RAPGEF5: variants seen among roughly 807,000 people sequenced by gnomAD.
RAPGEF5 encodes the protein Rap guanine nucleotide exchange factor 5, also known as M-Ras-regulated GEF.
RAPGEF5 carries 65 observed loss-of-function variants against 125.2 expected under a neutral mutation model. That is an observed-to-expected ratio of 0.52 (90% CI 0.43 to 0.64). RAPGEF5 has a LOEUF of 0.64. Ranked by LOEUF, RAPGEF5 falls within the 30% of genes least tolerant of loss-of-function variation. The probability of loss-of-function intolerance (pLI) is 0.00; values close to 1 mark genes in which losing one functional copy is unlikely to be tolerated. For synonymous variants in RAPGEF5, 391 were observed against 385.9 expected, an observed-to-expected ratio of 1.01 and a Z score of -0.16; for missense variants, 958 against 1,048.1, an observed-to-expected ratio of 0.91 and a Z score of 1.19.
Position 22,231,005 on chromosome 7 carries a change from G to GA in RAPGEF5, c.797-87dup, listed in dbSNP as rs150061400. 4.4e-3 allele frequency: 5,624 copies of GA among 1,269,290 alleles called. 188 individuals are homozygous for GA. In the African/African-American group the frequency reaches 0.075, roughly 17 times the overall value. The allele number at this position is 1,269,290 out of a possible 1,614,324, so 78.6% of individuals were successfully genotyped here. ...TTTCTTTCAGATCGCAATTTAGCGG[G>GA]AAAAAATGTTAGATAGATTCACAAA... On this transcript the variant is annotated intron_variant, in intron 7 of 25. Coordinates refer to ENST00000665637, the MANE Select transcript of RAPGEF5 (RefSeq NM_012294.5).
rs74723621 is a variant in RAPGEF5 at position 22,176,481 on chromosome 7, A to C, written c.1205-9333T>G. ...AGATAAGAAGATATTCTACAAAACT[A>C]ATTTAAAGTAAACATAAGTAAGCAC... On this transcript the variant is annotated intron_variant, in intron 11 of 25. Transcript: ENST00000665637. Among the ~76,000 whole-genome samples, 986 of 152,306 alleles carry C rather than the reference A, an allele frequency of 6.5e-3. 19 individuals are homozygous for C. Among genetic ancestry groups the C allele is most frequent in the African/African-American group, 0.023 (947 of 41,578 alleles).
chr7:22,140,187 C>G (rs779452888), intron 20 of RAPGEF5, 72 bp from the exon 21 acceptor site: 12 of 1,370,294 alleles, frequency 8.8e-6, no homozygotes, highest in Non-Finnish European at 1.2e-5. Flanking sequence ...AAAGATAAAG[C>G]TGAAAAGACC....
chr7:22,317,242 CTTTTTTT>C (rs67830846), intron 2 of RAPGEF5, among the ~76,000 whole-genome samples: 1 of 134,134 alleles, frequency 7.5e-6, no homozygotes, highest in Non-Finnish European at 1.6e-5. Context: ...CTTTTTTTTT[CTTTTTTT>C]TTTTTTTTTG....
At chr7:22,306,403 T>C (rs1783343171) in intron 5 of RAPGEF5, among the ~76,000 whole-genome samples, 1 of 152,220 alleles carries the variant, frequency 6.6e-6, no homozygotes, top group Non-Finnish European at 1.5e-5. Flanking sequence ...CTTTTGCCCA[T>C]TTTTAAATTG....
chr7:22,144,299 G>A (rs6960007), intron 20 of RAPGEF5, among the ~76,000 whole-genome samples: 2,862 of 152,282 alleles, frequency 0.019, 96 homozygotes, highest in African/African-American at 0.066. Context: ...TATATAAACA[G>A]ATAAATTTAA....
chr7:22,199,932 G>C (rs1785239957), intron 9 of RAPGEF5, among the ~76,000 whole-genome samples: 3 of 152,150 alleles, frequency 2.0e-5, no homozygotes, highest in Admixed American at 1.3e-4. Flanking sequence ...TAGAACAAAT[G>C]AAGACGATTC....
At chr7:22,263,220 T>C (rs555872437) in intron 7 of RAPGEF5, among the ~76,000 whole-genome samples, 1 of 152,320 alleles carries the variant, frequency 6.6e-6, no homozygotes, top group Admixed American at 6.5e-5. Flanking sequence ...GCTGTGTTGA[T>C]GAAAATGTTA....
intron 1 of RAPGEF5, among the ~76,000 whole-genome samples, chr7:22,346,186 T>C (rs1784221612): frequency 6.6e-6 from 1 of 152,182 alleles, no homozygotes; most frequent in African/African-American, 2.4e-5. Flanking sequence ...GTTCCCATGA[T>C]AGAATACTGG....
intron 11 of RAPGEF5, among the ~76,000 whole-genome samples, chr7:22,182,994 TG>T (rs1444569137): frequency 2.0e-5 from 3 of 152,130 alleles, no homozygotes; most frequent in Non-Finnish European, 2.9e-5. Context: ...TATTTGAGGC[TG>T]GGAGCAGTGG....
At chr7:22,148,555 G>C (rs1291143425) in intron 18 of RAPGEF5, among the ~76,000 whole-genome samples, 2 of 152,176 alleles carry the variant, frequency 1.3e-5, no homozygotes, top group African/African-American at 4.8e-5. Flanking sequence ...ATCTTTTGGT[G>C]ATGAAATATC....
chr7:22,174,779 A>G (rs1784453883), intron 11 of RAPGEF5, among the ~76,000 whole-genome samples: 1 of 152,234 alleles, frequency 6.6e-6, no homozygotes, highest in Non-Finnish European at 1.5e-5. Flanking sequence ...AGCTTGCTTC[A>G]TCAGGGAACT....
At chr7:22,251,830 T>C (rs1786631015) in intron 7 of RAPGEF5, among the ~76,000 whole-genome samples, 2 of 149,848 alleles carry the variant, frequency 1.3e-5, no homozygotes, top group Admixed American at 6.6e-5. Flanking sequence ...TCTGTGTTTA[T>C]GCTTTGAAAT....
chr7:22,273,546 C>G (rs540686310), intron 6 of RAPGEF5, among the ~76,000 whole-genome samples: 5 of 152,154 alleles, frequency 3.3e-5, no homozygotes, highest in Non-Finnish European at 7.4e-5. Context: ...CTTAAATAGA[C>G]TTGTTTAATG....
At position 22,186,913 on chromosome 7, in the gene RAPGEF5, T is replaced by C. The variant is rs531835394; in HGVS notation, c.1204+6454A>G. ...CTGCAAATGGAATTTAGTAGTAGAG[T>C]GATAAATCAAAGCTATTCTTTAGAA... On this transcript the variant is annotated intron_variant, in intron 11 of 25. Transcript: ENST00000665637. 3.9e-5 allele frequency among the ~76,000 whole-genome samples: 6 copies of C among 152,280 alleles called. No individual in the cohort carries two copies. The East Asian group carries it at 9.6e-4, about 24-fold the overall frequency.
intron 11 of RAPGEF5, among the ~76,000 whole-genome samples, chr7:22,169,883 C>CAAAAAAAAAAAAAAAA (rs1784295992): frequency 1.1e-4 from 1 of 9,392 alleles, no homozygotes; most frequent in Non-Finnish European, 2.6e-4. Context: ...AAAAAAAAAG[C>CAAAAAAAAAAAAAAAA]TGAATCTTCC....
In RAPGEF5 at chr7:22,136,903, G is replaced by A. The variant is rs773582914; in HGVS notation, c.2328+30C>T. ...ACTAGACCCTAGCAATTATTTTGAAGAATAAGTCCCCTTTGGCTCAACTAC... is the reference window on the plus strand; with the variant it reads ...ACTAGACCCTAGCAATTATTTTGAAAAATAAGTCCCCTTTGGCTCAACTAC... On this transcript the variant is annotated intron_variant, in intron 22 of 25. Transcript: ENST00000665637. 1.2e-5 allele frequency: 18 copies of A among 1,523,872 alleles called. No individual in the cohort carries two copies. In the Admixed American group the frequency reaches 3.2e-4, roughly 27 times the overall value. The allele number at this position is 1,523,872 out of a possible 1,614,324, so 94.4% of individuals were successfully genotyped here. A position where few individuals can be genotyped will look rare whatever the true frequency, so the allele number is the denominator to read the frequency against.
At chr7:22,312,496 A>C (rs1175581156) in intron 3 of RAPGEF5, among the ~76,000 whole-genome samples, 1 of 152,118 alleles carries the variant, frequency 6.6e-6, no homozygotes, top group African/African-American at 2.4e-5. Context: ...GGCATGAGCC[A>C]CCACGCCTGG....
intron 23 of RAPGEF5, among the ~76,000 whole-genome samples, chr7:22,132,664 C>T (rs1231832889): frequency 6.6e-6 from 1 of 152,172 alleles, no homozygotes; most frequent in Non-Finnish European, 1.5e-5. Flanking sequence ...AGATTCCACA[C>T]AGCTTCTCAG....
chr7:22,147,061 T>C (rs1420538275), intron 18 of RAPGEF5, 42 bp from the exon 19 acceptor site: 4 of 1,602,478 alleles, frequency 2.5e-6, no homozygotes, highest in African/African-American at 2.7e-5. Context: ...AATTCCCAAA[T>C]GTTTTGCACT....
Sources: gnomAD v4.1 joint callset for allele counts (sites outside exome capture counted in the v4.1 genomes callset) on GRCh38, gnomAD v4.1.1 for gene constraint, MANE v1.5 for transcripts, NCBI Gene and HGNC (gene_info 2026-07-23, HGNC 2026-07-21) for gene names.